UPB1: variants seen among roughly 807,000 people sequenced by gnomAD.
The protein encoded by UPB1 is beta-ureidopropionase 1.
Under a neutral mutation model 49.1 loss-of-function variants are expected in UPB1, and 40 were observed. The ratio of observed to expected loss-of-function variants is 0.81; its 90% confidence interval spans 0.63 to 1.06. UPB1 has a LOEUF of 1.06. UPB1 is among the 50% of genes least tolerant of loss of function. The pLI, the probability that UPB1 is intolerant of heterozygous loss-of-function variation, is 0.00. For missense variants in UPB1, 499 were observed against 505.9 expected, an observed-to-expected ratio of 0.99 and a Z score of 0.13; for synonymous variants, 207 against 198.2, an observed-to-expected ratio of 1.04 and a Z score of -0.38.
At position 24,526,137 on chromosome 22, in the gene UPB1, T is replaced by G; in HGVS notation, c.*343T>G. 1 of 368,986 alleles carries G rather than the reference T, an allele frequency of 2.7e-6. No homozygotes were observed. Among genetic ancestry groups the G allele is most frequent in the Non-Finnish European group, 5.2e-6 (1 of 190,722 alleles). 22.9% of individuals were successfully genotyped at this position (368,986 alleles called of 1,614,324 possible). The stretch of plus-strand genomic sequence containing the variant: ...GGTGGATTTGAGGTTAGGCAGATGA[T>G]GCTGTCCATCCCGTACACCAGTGGG... On this transcript the variant is annotated 3_prime_UTR_variant, in exon 10 of 10. Transcript: ENST00000326010.
Position 24,502,366 on chromosome 22 carries a change from C to G in UPB1, c.364+153C>G, listed in dbSNP as rs758315038. The G allele has an allele frequency of 1.0e-5, 9 of 865,312 alleles. No individual in the cohort carries two copies. The African/African-American group carries it at 1.3e-4, about 13-fold the overall frequency. The allele number at this position is 865,312 out of a possible 1,614,324, so 53.6% of individuals were successfully genotyped here. On this transcript the variant is annotated intron_variant, in intron 3 of 9. Transcript: ENST00000326010. ...CCGTCCACATCACCAGGAACCCCGG[C>G]CTCCCTGCTGTTACGCACCGAGCTG... is the stretch of plus-strand genomic sequence containing the variant.
At chr22:24,523,435 A>C (rs560424432) in intron 8 of UPB1, among the ~76,000 whole-genome samples, 184 bp from the exon 9 acceptor site, 29 of 152,358 alleles carry the variant, frequency 1.9e-4, no homozygotes, top group Non-Finnish European at 2.2e-4. Context: ...GGCCATTTGC[A>C]GCAATTTGCT....
Position 24,515,343 on chromosome 22 carries a change from A to T in UPB1, c.764A>T (p.Asn255Ile). The T allele has an allele frequency of 6.2e-7, 1 of 1,613,660 alleles. No homozygotes were observed. The highest frequency in any genetic ancestry group is 8.5e-7 in the Non-Finnish European group (1 of 1,179,896). ...YSINGAEIIF[N>I]PSATIGALSE... Reference sequence around the variant, plus strand: ...ATCAACGGGGCTGAGATCATCTTCAACCCCTCGGCCACGATAGGAGCACTC... The same window carrying T: ...ATCAACGGGGCTGAGATCATCTTCATCCCCTCGGCCACGATAGGAGCACTC... The change falls in exon 6 of 10, where the codon AAC becomes ATC. Residue 255 changes from asparagine (N) to isoleucine (I), a missense_variant. Physicochemically the swap from Asn to Ile is moderately radical, Grantham distance 149 (BLOSUM62 -3). Transcript: ENST00000326010.
Position 24,495,470 on chromosome 22 carries a change from C to T in UPB1, c.67C>T (p.Gln23Ter), listed in dbSNP as rs955064627. Residue 23 changes from glutamine (Q) to a stop codon, truncating the protein, a stop_gained, in exon 1 of 10, where the codon CAG becomes TAG. Coordinates refer to ENST00000326010, the MANE Select transcript of UPB1 (RefSeq NM_016327.3). LOFTEE classifies it high-confidence loss of function. The stretch of plus-strand genomic sequence containing the variant: ...GAAGCACCTGCCGCTCCCCGACTTG[C>T]AGGAAGTGAAGCGCGTTCTCTATGG... ...LEKHLPLPDL[Q>*]EVKRVLYGKE... 1.2e-6 allele frequency: 2 copies of T among 1,614,056 alleles called. No homozygotes were observed. Among genetic ancestry groups the T allele is most frequent in the African/African-American group, 1.3e-5 (1 of 75,058 alleles).
intron 8 of UPB1, 46 bp downstream of exon 8, chr22:24,522,074 C>T: frequency 6.2e-7 from 1 of 1,603,226 alleles, no homozygotes; most frequent in Non-Finnish European, 8.5e-7. Context: ...AGTGGGCCTT[C>T]CTCTCCCCTT....
chr22:24,506,612 G>A (rs1486593356), intron 3 of UPB1, among the ~76,000 whole-genome samples: 1 of 152,190 alleles, frequency 6.6e-6, no homozygotes, highest in South Asian at 2.1e-4. Context: ...GAAAGAACAC[G>A]TGTCTGTGTC....
At chr22:24,511,661 T>G (rs939885824) in intron 4 of UPB1, among the ~76,000 whole-genome samples, 3 of 147,010 alleles carry the variant, frequency 2.0e-5, no homozygotes, top group Non-Finnish European at 3.0e-5. Flanking sequence ...TTGCCCAGGT[T>G]GGAGTGCAGT....
At chr22:24,504,920 T>G (rs1892562814) in intron 3 of UPB1, among the ~76,000 whole-genome samples, 2 of 148,796 alleles carry the variant, frequency 1.3e-5, no homozygotes, top group Admixed American at 1.3e-4. Flanking sequence ...TTTTTTTTTT[T>G]TTTTTGTAAA....
rs991400325 is a variant in UPB1 at position 24,527,961 on chromosome 22, A to T, written c.*2167A>T. On this transcript the variant is annotated 3_prime_UTR_variant, in exon 10 of 10. Transcript: ENST00000326010. Reference sequence around the variant, plus strand: ...TGGTGAAACCCCATCTCTACTAAAAATACAAAAATTAGCTGGGTATGGTGG... The same window carrying T: ...TGGTGAAACCCCATCTCTACTAAAATTACAAAAATTAGCTGGGTATGGTGG... The T allele has an allele frequency of 1.3e-5, 2 of 152,204 alleles. No homozygotes were observed. Among genetic ancestry groups the T allele is most frequent in the Non-Finnish European group, 2.9e-5 (2 of 68,052 alleles). The allele number at this position is 152,204 out of a possible 1,614,324, so 9.4% of individuals were successfully genotyped here.
At chr22:24,515,479 T>A (rs1400916615) in intron 6 of UPB1, 109 bp downstream of exon 6, 1 of 1,465,430 alleles carries the variant, frequency 6.8e-7, no homozygotes, top group Non-Finnish European at 9.5e-7. Flanking sequence ...GCCACCAGGA[T>A]GTTAACAGAG....
chr22:24,498,641 G>A (rs886743368), intron 1 of UPB1, among the ~76,000 whole-genome samples: 16 of 152,204 alleles, frequency 1.1e-4, no homozygotes, highest in African/African-American at 3.4e-4. Context: ...TCACTTGGGG[G>A]AAGAAGGGTA....
intron 1 of UPB1, among the ~76,000 whole-genome samples, chr22:24,499,850 C>T (rs2043958570): frequency 6.6e-6 from 1 of 152,212 alleles, no homozygotes; most frequent in African/African-American, 2.4e-5. Context: ...AACTGGCCTC[C>T]CCATTGCCAG....
chr22:24,524,778 C>T (rs142746218), intron 9 of UPB1, among the ~76,000 whole-genome samples: 1 of 152,368 alleles, frequency 6.6e-6, no homozygotes, highest in African/African-American at 2.4e-5. Context: ...ACATAAGCCA[C>T]TGTGCCCTGC....
chr22:24,502,178 G>A lies in UPB1; in HGVS notation c.329G>A (p.Cys110Tyr). The change falls in exon 3 of 10, where the codon TGT (cysteine) becomes TAT (tyrosine). Residue 110 changes from cysteine (C) to tyrosine (Y), a missense_variant. Cys to Tyr is a radical substitution (Grantham distance 194, BLOSUM62 -2). Transcript: ENST00000326010. ...GCTATCGTAGAGGTGGCTGCAATGT[G>A]TGGAGTCAACATCATCTGTTTCCAG... The part of the protein sequence containing the change: ...IKAIVEVAAM[C>Y]GVNIICFQEA... 6.2e-7 allele frequency: 1 copy of A among 1,614,232 alleles called. No homozygotes were observed. The highest frequency in any genetic ancestry group is 8.5e-7 in the Non-Finnish European group (1 of 1,180,042).
intron 2 of UPB1, 38 bp downstream of exon 2, chr22:24,500,316 G>C (rs769464782): frequency 2.2e-5 from 36 of 1,612,078 alleles, no homozygotes; most frequent in African/African-American, 6.7e-5. Context: ...ACACAAACAG[G>C]GTTGTGGCCT....
At chr22:24,511,641 T>C (rs933104986) in intron 4 of UPB1, among the ~76,000 whole-genome samples, 4 of 136,524 alleles carry the variant, frequency 2.9e-5, no homozygotes, top group Non-Finnish European at 4.7e-5. Context: ...TGAGATGGAG[T>C]CTCACTCTGT....
intron 1 of UPB1, among the ~76,000 whole-genome samples, chr22:24,496,216 A>T (rs117073870): frequency 0.021 from 3,250 of 152,140 alleles, 64 homozygotes; most frequent in Non-Finnish European, 0.03. Flanking sequence ...TAAAGCATTT[A>T]AAAAAATAGC....
chr22:24,507,273 C>T (rs1454419093), intron 3 of UPB1, among the ~76,000 whole-genome samples: 1 of 152,170 alleles, frequency 6.6e-6, no homozygotes, highest in Non-Finnish European at 1.5e-5. Context: ...TAAAATAATT[C>T]ATCTCTCTTC....
chr22:24,500,877 A>G (rs950781225), intron 2 of UPB1, among the ~76,000 whole-genome samples: 1 of 152,192 alleles, frequency 6.6e-6, no homozygotes, highest in Admixed American at 6.5e-5. Flanking sequence ...CAGCTGCTCA[A>G]ACTTTCAGGG....
Sources: gnomAD v4.1 joint callset for allele counts (sites outside exome capture counted in the v4.1 genomes callset) on GRCh38, gnomAD v4.1.1 for gene constraint, MANE v1.5 for transcripts, NCBI Gene and HGNC (gene_info 2026-07-23, HGNC 2026-07-21) for gene names.